ADARB2: variants seen among roughly 807,000 people sequenced by gnomAD.
ADARB2 encodes adenosine deaminase RNA specific B2 (inactive), also known as inactive double-stranded RNA-specific editase B2.
In ADARB2, 25 loss-of-function variants were observed where a neutral mutation model predicts 62.2. That is an observed-to-expected ratio of 0.40 (90% CI 0.29 to 0.56). The LOEUF (loss-of-function observed/expected upper bound fraction) is 0.56. ADARB2 is among the 20% of genes least tolerant of loss of function. The pLI is 0.43. For missense variants in ADARB2, 1,071 were observed against 1,077.4 expected (o/e 0.99, Z 0.08); for synonymous variants, 572 against 500.8 (o/e 1.14, Z -1.90).
At chr10:1,520,256 C>T (rs1474610386) in intron 1 of ADARB2, among the ~76,000 whole-genome samples, 3 of 152,038 alleles carry the variant, frequency 2.0e-5, no homozygotes, top group African/African-American at 7.3e-5. Flanking sequence ...ATCATATGAC[C>T]CTGTTTTTGT....
intron 3 of ADARB2, among the ~76,000 whole-genome samples, chr10:1,340,980 G>C (rs1832020207): frequency 6.7e-6 from 1 of 149,848 alleles, no homozygotes; most frequent in Non-Finnish European, 1.5e-5. Flanking sequence ...CCCCAAAGCA[G>C]TGATAACCAG....
At position 1,190,535 on chromosome 10, in the gene ADARB2, T is replaced by C. The variant is rs56660723; in HGVS notation, c.1865-5496A>G. ...GGCTTAAAAGAGCAGAAATCTGTCC[T>C]GTCGTAGCTCTGGAGGCTGGAAGTC... is the stretch of plus-strand genomic sequence containing the variant. On this transcript the variant is annotated intron_variant, in intron 8 of 9. Transcript: ENST00000381312. Among the ~76,000 whole-genome samples, 108 of 152,360 alleles carry C rather than the reference T, an allele frequency of 7.1e-4. 2 individuals are homozygous for C. The highest frequency in any genetic ancestry group is 2.5e-3 in the African/African-American group (106 of 41,590).
At chr10:1,534,615 C>G (rs1478637773) in intron 1 of ADARB2, 1 of 152,626 alleles carries the variant, frequency 6.6e-6, no homozygotes, top group Non-Finnish European at 1.5e-5. Context: ...GTTGGCGGAG[C>G]TGATGGTGTT....
intron 7 of ADARB2, among the ~76,000 whole-genome samples, chr10:1,215,167 G>T (rs896382042): frequency 6.6e-6 from 1 of 152,230 alleles, no homozygotes; most frequent in African/African-American, 2.4e-5. Context: ...GGACGGGCCA[G>T]GGCCCAGCAC....
chr10:1,306,098 A>G (rs1831624993), intron 3 of ADARB2, among the ~76,000 whole-genome samples: 2 of 151,856 alleles, frequency 1.3e-5, no homozygotes, highest in African/African-American at 4.8e-5. Context: ...GTATTCAATT[A>G]GGAAAAGAGG....
At position 1,551,922 on chromosome 10, in the gene ADARB2, C is replaced by G. The variant is rs536721035; in HGVS notation, c.101-172762G>C. ...ATGGGACTGACTGGCCTTTATACTG[C>G]AGACATGGAGTCCTGGCCTCAGGAG... On this transcript the variant is annotated intron_variant, in intron 1 of 9. Coordinates refer to ENST00000381312, the MANE Select transcript of ADARB2 (RefSeq NM_018702.4). Among the ~76,000 whole-genome samples the G allele has an allele frequency of 1.8e-4, 27 of 152,336 alleles. 1 individual carries two copies. In the South Asian group the frequency reaches 2.9e-3, roughly 16 times the overall value.
At chr10:1,578,678 G>C (rs2676720) in intron 1 of ADARB2, among the ~76,000 whole-genome samples, 25,822 of 136,468 alleles carry the variant, frequency 0.19, 2,421 homozygotes, top group Admixed American at 0.27. Context: ...CACACACACA[G>C]AGAGAAGTGT....
intron 1 of ADARB2, among the ~76,000 whole-genome samples, chr10:1,708,278 G>A (rs1002312643): frequency 5.9e-5 from 9 of 151,466 alleles, no homozygotes; most frequent in African/African-American, 2.2e-4. Context: ...CAAAGGGGAT[G>A]AAGAAAAGGG....
intron 8 of ADARB2, among the ~76,000 whole-genome samples, chr10:1,196,206 CTTTTTTT>C (rs10665720): frequency 5.8e-5 from 7 of 120,928 alleles, no homozygotes; most frequent in African/African-American, 1.9e-4. Context: ...CTTCTTTTGC[CTTTTTTT>C]TTTTTTTTTT....
intron 1 of ADARB2, among the ~76,000 whole-genome samples, chr10:1,640,271 T>C (rs1215531428): frequency 6.6e-6 from 1 of 152,214 alleles, no homozygotes; most frequent in African/African-American, 2.4e-5. Context: ...GGGGTTGAGT[T>C]CAAGCTCTCC....
At chr10:1,430,523 T>C (rs1456435168) in intron 1 of ADARB2, among the ~76,000 whole-genome samples, 1 of 152,164 alleles carries the variant, frequency 6.6e-6, no homozygotes, top group Non-Finnish European at 1.5e-5. Flanking sequence ...TAAATTACAA[T>C]GACATATATG....
intron 6 of ADARB2, among the ~76,000 whole-genome samples, chr10:1,218,591 A>G (rs371610644): frequency 6.6e-6 from 1 of 152,072 alleles, no homozygotes; most frequent in Non-Finnish European, 1.5e-5. Flanking sequence ...CCGTGTCCCC[A>G]CTGAAATCCA....
At chr10:1,424,847 A>G (rs1206238497) in intron 1 of ADARB2, among the ~76,000 whole-genome samples, 1 of 152,186 alleles carries the variant, frequency 6.6e-6, no homozygotes, top group African/African-American at 2.4e-5. Flanking sequence ...ATGTTTGAAG[A>G]CAAGGCTAGC....
rs28438015 is a variant in ADARB2, at chr10:1,722,906, C to T, written c.100+14145G>A. Among the ~76,000 whole-genome samples the T allele has an allele frequency of 5.0e-3, 760 of 152,294 alleles. 4 individuals are homozygous for T. The highest frequency in any genetic ancestry group is 0.015 in the African/African-American group (623 of 41,552). ...GCACAGTGGAGTGTGCCTATACATA[C>T]GTGTATATTTACCCATATTCATATA... On this transcript the variant is annotated intron_variant, in intron 1 of 9. Transcript: ENST00000381312.
chr10:1,564,298 A>G (rs1157790230), intron 1 of ADARB2, among the ~76,000 whole-genome samples: 1 of 152,256 alleles, frequency 6.6e-6, no homozygotes, highest in East Asian at 1.9e-4. Flanking sequence ...ACCTAAAACC[A>G]TAAAAACCCT....
At chr10:1,633,117 T>C (rs1434658673) in intron 1 of ADARB2, among the ~76,000 whole-genome samples, 2 of 151,700 alleles carry the variant, frequency 1.3e-5, no homozygotes, top group Non-Finnish European at 2.9e-5. Flanking sequence ...TTCTCCTGCT[T>C]CTTCTGCCTC....
chr10:1,195,264 G>T (rs897134115), intron 8 of ADARB2, among the ~76,000 whole-genome samples: 12 of 152,162 alleles, frequency 7.9e-5, no homozygotes, highest in Non-Finnish European at 1.3e-4. Context: ...GAGAATTGCA[G>T]GTGCCCCTGC....
chr10:1,714,093 G>T (rs1342753969), intron 1 of ADARB2, among the ~76,000 whole-genome samples: 1 of 152,204 alleles, frequency 6.6e-6, no homozygotes, highest in Non-Finnish European at 1.5e-5. Flanking sequence ...CTTTGGACTG[G>T]ATTGGTACTA....
intron 1 of ADARB2, among the ~76,000 whole-genome samples, chr10:1,681,142 T>C (rs564470166): frequency 1.3e-5 from 2 of 152,292 alleles, no homozygotes; most frequent in South Asian, 2.1e-4. Flanking sequence ...TGAAGTGTAG[T>C]CTTCTCGTTA....
Sources: allele counts gnomAD v4.1 joint callset (sites outside exome capture counted in the v4.1 genomes callset), GRCh38; gene constraint gnomAD v4.1.1; transcripts MANE v1.5; gene names NCBI Gene and HGNC (gene_info 2026-07-23, HGNC 2026-07-21).